The following ADGRV1 variants were observed in gnomAD, a reference collection of about 807,000 sequenced individuals.
ADGRV1 encodes G-protein coupled receptor 98.
A neutral mutation model predicts 596.2 loss-of-function variants in ADGRV1; 359 were observed. The observed-to-expected ratio is 0.60, with a 90% CI of 0.55 to 0.66. The LOEUF is 0.66. ADGRV1 is among the 30% of genes least tolerant of loss of function. The pLI, the probability that ADGRV1 is intolerant of heterozygous loss-of-function variation, is 0.00. For synonymous variants in ADGRV1, 2,681 were observed against 2,679.2 expected, an observed-to-expected ratio of 1.00 and a Z score of -0.02; for missense variants, 7,274 against 7,575.6, an observed-to-expected ratio of 0.96 and a Z score of 1.48.
chr5:90,815,555 T>A, intron 74 of ADGRV1, 64 bp from the exon 75 acceptor site: 1 of 883,336 alleles, frequency 1.1e-6, no homozygotes, highest in Non-Finnish European at 1.8e-6. Context: ...GCAAGATTAG[T>A]GGAGCATGGG....
At chr5:90,979,254 C>T (rs1008003127) in intron 84 of ADGRV1, among the ~76,000 whole-genome samples, 3 of 151,828 alleles carry the variant, frequency 2.0e-5, no homozygotes, top group African/African-American at 7.3e-5. Context: ...CTGCAACCTC[C>T]GCCTCCCTGG....
chr5:90,998,895 A>G (rs1455478596), intron 85 of ADGRV1, among the ~76,000 whole-genome samples: 2 of 152,126 alleles, frequency 1.3e-5, no homozygotes, highest in African/African-American at 4.8e-5. Flanking sequence ...GTTATGTTTT[A>G]ATAGCTTCAT....
chr5:90,789,661 T>A lies in ADGRV1; in HGVS notation c.13894-41T>A, dbSNP rs1004711055. 2.4e-6 allele frequency: 3 copies of A among 1,242,468 alleles called. No homozygotes were observed. The Admixed American group carries it at 6.3e-5, about 26-fold the overall frequency. The allele number at this position is 1,242,468 out of a possible 1,614,324, so 77.0% of individuals were successfully genotyped here. A position where few individuals can be genotyped will look rare whatever the true frequency, so the allele number is the denominator to read the frequency against. On this transcript the variant is annotated intron_variant, in intron 68 of 89. Coordinates refer to ENST00000405460, the MANE Select transcript of ADGRV1 (RefSeq NM_032119.4). ...GTTGGATACTATAATTTCATCCCTA[T>A]TGTTTTATAAATTATTTTCTCTGTT... is the stretch of plus-strand genomic sequence containing the variant.
intron 59 of ADGRV1, among the ~76,000 whole-genome samples, 194 bp downstream of exon 59, chr5:90,763,663 C>G (rs1193910275): frequency 2.6e-5 from 4 of 152,086 alleles, no homozygotes; most frequent in Admixed American, 6.5e-5. Context: ...GTTTTTCAAC[C>G]CACACCCCAC....
intron 38 of ADGRV1, 82 bp from the exon 39 acceptor site, chr5:90,708,734 C>A: frequency 1.2e-6 from 1 of 840,188 alleles, no homozygotes; most frequent in Non-Finnish European, 2.0e-6. Context: ...ACTAATTATA[C>A]AGTTTAATTT....
At chr5:90,705,960 C>G (rs867229295) in intron 37 of ADGRV1, among the ~76,000 whole-genome samples, 9 of 152,064 alleles carry the variant, frequency 5.9e-5, no homozygotes, top group Non-Finnish European at 1.3e-4. Context: ...GGGTTAGAAC[C>G]AGCACATCAT....
At chr5:90,812,351 A>G (rs1310556028) in intron 74 of ADGRV1, among the ~76,000 whole-genome samples, 1 of 152,184 alleles carries the variant, frequency 6.6e-6, no homozygotes, top group African/African-American at 2.4e-5. Context: ...TTGTAAAGTG[A>G]CAACTTATAA....
intron 52 of ADGRV1, among the ~76,000 whole-genome samples, chr5:90,749,833 G>A (rs970028899): frequency 6.6e-6 from 1 of 152,246 alleles, no homozygotes; most frequent in East Asian, 1.9e-4. Flanking sequence ...TGGGACAAAA[G>A]AAAGAGGCTA....
chr5:90,982,419 A>G (rs1183079016), intron 84 of ADGRV1, among the ~76,000 whole-genome samples: 1 of 152,258 alleles, frequency 6.6e-6, no homozygotes, highest in East Asian at 1.9e-4. Context: ...GGCAGTAACT[A>G]GAGATTTTAA....
chr5:90,990,590 G>A (rs1162283166), intron 85 of ADGRV1, among the ~76,000 whole-genome samples: 2 of 152,162 alleles, frequency 1.3e-5, no homozygotes, highest in Admixed American at 1.3e-4. Context: ...ACCTCCTGCT[G>A]TGCGGCCCTA....
At position 90,703,766 on chromosome 5, in the gene ADGRV1, A is replaced by G. The variant is rs1413871794; in HGVS notation, c.8257A>G (p.Asn2753Asp). The G allele has an allele frequency of 3.1e-6, 5 of 1,602,044 alleles. No individual in the cohort carries two copies. In the Admixed American group the frequency reaches 6.8e-5, roughly 22 times the overall value. Residue 2753 changes from asparagine (N) to aspartate (D), a missense_variant, in exon 35 of 90, where the codon AAC (asparagine) becomes GAC (aspartate). Asn to Asp is a conservative substitution (Grantham distance 23). This residue lies in a region of ADGRV1 where 3,643 missense variants were observed against 3,809.2 expected (regional missense o/e 0.96). Transcript: ENST00000405460. ...GCAAAATCTAGAACTCAATTTTGCTAACTTTAGCGGACAACTTTTCTTTCC... is the reference window on the plus strand; with the variant it reads ...GCAAAATCTAGAACTCAATTTTGCTGACTTTAGCGGACAACTTTTCTTTCC... The part of the protein sequence containing the change: ...IGQNLELNFA[N>D]FSGQLFFPEG...
intron 83 of ADGRV1, among the ~76,000 whole-genome samples, chr5:90,959,389 A>C (rs940057532): frequency 6.6e-6 from 1 of 152,154 alleles, no homozygotes; most frequent in Non-Finnish European, 1.5e-5. Flanking sequence ...CATGAGATGC[A>C]AGAGTGGATA....
chr5:90,976,233 T>TATAC lies in ADGRV1; in HGVS notation c.17974-9110_17974-9109insTACA, dbSNP rs1554185047. On this transcript the variant is annotated intron_variant, in intron 84 of 89. Coordinates refer to ENST00000405460, the MANE Select transcript of ADGRV1 (RefSeq NM_032119.4). ...GTGAGTGTGTATATATATATATATA[T>TATAC]ACACAATGTACATATATTTATATAT... Among the ~76,000 whole-genome samples the TATAC allele has an allele frequency of 1.4e-4, 21 of 146,456 alleles. No individual in the cohort carries two copies. The East Asian group carries it at 2.2e-3, about 15-fold the overall frequency.
chr5:90,841,083 T>C, intron 78 of ADGRV1, 98 bp downstream of exon 78: 1 of 769,120 alleles, frequency 1.3e-6, no homozygotes, highest in Non-Finnish European at 1.9e-6. Context: ...ACATTGGTTA[T>C]TATGAAATTA....
At position 90,685,597 on chromosome 5, in the gene ADGRV1, T is replaced by TATAAATAA. The variant is rs138476984; in HGVS notation, c.6275-145_6275-138dup. On this transcript the variant is annotated intron_variant, in intron 28 of 89. Transcript: ENST00000405460. The stretch of plus-strand genomic sequence containing the variant: ...GCCTGCGTGGTAGAGAGTCCATCTC[T>TATAAATAA]ATAAATAAATAAATAAATAAATAAA... 2.8e-3 allele frequency among the ~76,000 whole-genome samples: 405 copies of TATAAATAA among 142,278 alleles called. 2 individuals are homozygous for TATAAATAA. Among genetic ancestry groups the TATAAATAA allele is most frequent in the African/African-American group, 3.7e-3 (141 of 38,130 alleles). The allele number at this position is 142,278 out of a possible 152,430, so 93.3% of individuals were successfully genotyped here.
chr5:90,628,756 A>C lies in ADGRV1; in HGVS notation c.1433A>C (p.Glu478Ala). The stretch of plus-strand genomic sequence containing the variant: ...ACTGTGGTTGATGATGATCTTCCAG[A>C]AGAGGCAGAAGCTTATCTACTTCAA... ...PLTVVDDDLP[E>A]EAEAYLLQIL... The change falls in exon 8 of 90, where the codon GAA becomes GCA. Residue 478 changes from glutamate (E) to alanine (A), a missense_variant. Transcript: ENST00000405460. 1 of 1,614,020 alleles carries C rather than the reference A, an allele frequency of 6.2e-7. No homozygotes were observed. Among genetic ancestry groups the C allele is most frequent in the Non-Finnish European group, 8.5e-7 (1 of 1,179,868 alleles).
At chr5:90,960,373 A>G (rs1442442753) in intron 83 of ADGRV1, among the ~76,000 whole-genome samples, 1 of 152,148 alleles carries the variant, frequency 6.6e-6, no homozygotes, top group Non-Finnish European at 1.5e-5. Flanking sequence ...TTTTAAACAA[A>G]CACCTACTAT....
At chr5:90,629,183 C>A in intron 8 of ADGRV1, 27 bp from the exon 9 acceptor site, 2 of 1,346,800 alleles carry the variant, frequency 1.5e-6, no homozygotes, top group East Asian at 2.4e-5. Context: ...GAATTCTGTA[C>A]TTTAATATTT....
intron 61 of ADGRV1, among the ~76,000 whole-genome samples, chr5:90,777,440 G>T (rs1758366134): frequency 6.6e-6 from 1 of 152,044 alleles, no homozygotes; most frequent in South Asian, 2.1e-4. Context: ...TTTCTTATGG[G>T]GGATGGGAAG....
Sources: allele counts gnomAD v4.1 joint callset (sites outside exome capture counted in the v4.1 genomes callset), GRCh38; gene constraint gnomAD v4.1.1; regional missense constraint gnomAD v4.1.1; transcripts MANE v1.5; gene names NCBI Gene and HGNC (gene_info 2026-07-23, HGNC 2026-07-21).